Variants in ETNK2 observed in about 807,000 individuals in gnomAD.
The protein encoded by ETNK2 is ethanolamine kinase-like protein.
Under a neutral mutation model 46.2 loss-of-function variants are expected in ETNK2, and 33 were observed. That is an observed-to-expected ratio of 0.71 (90% confidence interval 0.54 to 0.96). The LOEUF is 0.96. ETNK2 is among the 40% of genes least tolerant of loss of function. The pLI, the probability that ETNK2 is intolerant of heterozygous loss-of-function variation, is 0.00. For synonymous variants in ETNK2, 194 were observed against 209.0 expected, an observed-to-expected ratio of 0.93 and a Z score of 0.62; for missense variants, 445 against 509.7, an observed-to-expected ratio of 0.87 and a Z score of 1.22.
chr1:204,141,064 A>G (rs1327316352), intron 4 of ETNK2: 2 of 561,394 alleles, frequency 3.6e-6, no homozygotes, highest in African/African-American at 1.9e-5. Context: ...GGGCTTAAGC[A>G]ATCCACATGC....
intron 2 of ETNK2, among the ~76,000 whole-genome samples, chr1:204,149,324 G>T (rs1657910673): frequency 6.6e-6 from 1 of 152,130 alleles, no homozygotes; most frequent in African/African-American, 2.4e-5. Context: ...CAGAGACAGA[G>T]GTAGAAAACC....
intron 3 of ETNK2, among the ~76,000 whole-genome samples, chr1:204,145,173 G>T (rs1657732232): frequency 6.6e-6 from 1 of 152,184 alleles, no homozygotes; most frequent in Admixed American, 6.5e-5. Context: ...CCCTAAAGAG[G>T]CTCAACGAAG....
At chr1:204,144,921 C>T (rs1571627818) in intron 3 of ETNK2, among the ~76,000 whole-genome samples, 1 of 152,206 alleles carries the variant, frequency 6.6e-6, no homozygotes, top group East Asian at 1.9e-4. Context: ...CCTTATTTTG[C>T]AGCTGTGCAT....
intron 5 of ETNK2, 137 bp from the exon 6 acceptor site, chr1:204,137,386 C>T (rs886600906): frequency 4.4e-6 from 5 of 1,127,334 alleles, no homozygotes; most frequent in Admixed American, 2.9e-5. Context: ...GGAGGCGGCC[C>T]GAGAAGGCAG....
intron 5 of ETNK2, among the ~76,000 whole-genome samples, chr1:204,139,318 T>C (rs1312970747): frequency 2.6e-5 from 4 of 151,952 alleles, no homozygotes; most frequent in African/African-American, 9.7e-5. Context: ...GACAAAGGAG[T>C]GGAGGCTGAA....
intron 2 of ETNK2, chr1:204,147,042 T>TG: frequency 1.7e-6 from 1 of 576,072 alleles, no homozygotes; most frequent in East Asian, 4.0e-5. Flanking sequence ...GTGGGGCTGT[T>TG]GGTCACAGGT....
Position 204,151,906 on chromosome 1 carries a change from G to C in ETNK2, c.-54C>G. 7.1e-7 allele frequency: 1 copy of C among 1,404,158 alleles called. No individual in the cohort carries two copies. Among genetic ancestry groups the C allele is most frequent in the East Asian group, 2.9e-5 (1 of 34,610 alleles). The allele number at this position is 1,404,158 out of a possible 1,614,324, so 87.0% of individuals were successfully genotyped here. The stretch of plus-strand genomic sequence containing the variant: ...CGGCAGACGCTAGCCCCGGCGGGGG[G>C]GTCCGGCGAGGGAGTGGGAGTGGTA... On this transcript the variant is annotated 5_prime_UTR_variant, in exon 1 of 8. Coordinates refer to ENST00000367202, the MANE Select transcript of ETNK2 (RefSeq NM_018208.4). This position sits in a 1 kb window ranked among gnomAD's most constrained non-coding sequence, Gnocchi z 8.0.
Position 204,140,042 on chromosome 1 carries a change from C to T in ETNK2, c.861G>A (p.Glu287=), listed in dbSNP as rs1182459908. The T allele has an allele frequency of 3.7e-6, 6 of 1,613,886 alleles. 1 individual carries two copies. In the East Asian group the frequency reaches 1.3e-4, roughly 36 times the overall value. ...TAGAAATGCCCCTCTCACCTGCAAA[C>T]TCATTGAAATGGTTGCCAATGTCAA... ...QAFDIGNHFN[E]FAGVNEVDYC... is the part of the protein sequence containing the mutation. Residue 287 remains glutamate, a synonymous_variant, in exon 5 of 8, where the codon GAG becomes GAA. Coordinates refer to ENST00000367202, the MANE Select transcript of ETNK2 (RefSeq NM_018208.4).
Position 204,137,209 on chromosome 1 carries a change from C to G in ETNK2, c.909G>C (p.Glu303Asp), listed in dbSNP as rs140658518. ...EVDYCLYPAR[E>D]TQLQWLHYYL... ...AGTAGTGCAGCCACTGCAGCTGGGT[C>G]TCCCGCGCCGGGTACAGGCAGTAAT... The change falls in exon 6 of 8, where the codon GAG (glutamate) becomes GAC (aspartate). Residue 303 changes from glutamate (E) to aspartate (D), a missense_variant. Glu to Asp is a conservative substitution (Grantham distance 45). Transcript: ENST00000367202. 4,289 of 1,613,956 alleles carry G rather than the reference C, an allele frequency of 2.7e-3. 16 individuals carry two copies. Among genetic ancestry groups the G allele is most frequent in the Non-Finnish European group, 3.0e-3 (3,597 of 1,179,842 alleles).
At chr1:204,140,960 C>G (rs1334451435) in intron 4 of ETNK2, 4 of 338,046 alleles carry the variant, frequency 1.2e-5, no homozygotes, top group South Asian at 8.6e-5. Context: ...GGAGCTAGGA[C>G]TATAGCATGT....
chr1:204,132,943 C>T (rs967392603), intron 7 of ETNK2, among the ~76,000 whole-genome samples: 2 of 152,128 alleles, frequency 1.3e-5, no homozygotes, highest in Non-Finnish European at 2.9e-5. Context: ...CTCCCTCTCC[C>T]CACCCCCTGG....
chr1:204,134,870 G>C (rs1446935865), intron 6 of ETNK2, among the ~76,000 whole-genome samples: 1 of 152,118 alleles, frequency 6.6e-6, no homozygotes, highest in African/African-American at 2.4e-5. Flanking sequence ...AGGAATTTTG[G>C]GGGGTTCCCA....
intron 4 of ETNK2, 116 bp downstream of exon 4, chr1:204,141,199 C>T (rs751529854): frequency 7.0e-6 from 9 of 1,281,264 alleles, no homozygotes; most frequent in Non-Finnish European, 7.9e-6. Flanking sequence ...AACTTAAGAC[C>T]TAAATCAAGG....
At chr1:204,133,767 G>A (rs1050009431) in intron 7 of ETNK2, among the ~76,000 whole-genome samples, 4 of 152,136 alleles carry the variant, frequency 2.6e-5, no homozygotes, top group Non-Finnish European at 5.9e-5. Flanking sequence ...TTCTGACCTC[G>A]TGATCCACCC....
chr1:204,139,975 G>A (rs969149966), intron 5 of ETNK2, 60 bp downstream of exon 5: 39 of 1,330,838 alleles, frequency 2.9e-5, no homozygotes, highest in Middle Eastern at 1.8e-4. Flanking sequence ...ATCTACATGC[G>A]GTCAGTCATT....
In ETNK2 at chr1:204,146,215, TTC is replaced by T. The variant is rs66680060; in HGVS notation, c.641+425_641+426del. 1.7e-3 allele frequency among the ~76,000 whole-genome samples: 253 copies of T among 152,236 alleles called. 5 individuals are homozygous for T. The highest frequency in any genetic ancestry group is 2.6e-3 in the Non-Finnish European group (179 of 67,990). ...TGATGCTAAACTCAGTCCCACCTCA[TTC>T]TGAGGGCCCTGCCCTGCTCATGGTT... is the stretch of plus-strand genomic sequence containing the variant. On this transcript the variant is annotated intron_variant, in intron 3 of 7. Coordinates refer to ENST00000367202, the MANE Select transcript of ETNK2 (RefSeq NM_018208.4).
Position 204,146,733 on chromosome 1 carries a change from T to C in ETNK2, c.550A>G (p.Thr184Ala). The C allele has an allele frequency of 1.2e-6, 2 of 1,613,970 alleles. No individual in the cohort carries two copies. Among genetic ancestry groups the C allele is most frequent in the Non-Finnish European group, 1.7e-6 (2 of 1,179,872 alleles). Residue 184 changes from threonine to alanine, a missense_variant, in exon 3 of 8, where the codon ACT (threonine) becomes GCT (alanine). Transcript: ENST00000367202. ...LIALEMAKIH[T>A]IHANGSLPKP... ...GGCAGGCTGCCGTTGGCGTGGATAG[T>C]ATGAATCTTTGCCATTTCTAAGGCG...
Position 204,151,803 on chromosome 1 carries a change from C to G in ETNK2, c.50G>C (p.Arg17Thr). Reference protein sequence around the residue: ...APQPRASFHLRRHTPCPQCSW... With the variant: ...APQPRASFHLTRHTPCPQCSW... ...GCACTGCGGGCAAGGCGTGTGCCTC[C>G]TCAGGTGAAAGGACGCGCGCGGCTG... The change falls in exon 1 of 8, where the codon AGG becomes ACG. Residue 17 changes from arginine to threonine, a missense_variant. Coordinates refer to ENST00000367202, the MANE Select transcript of ETNK2 (RefSeq NM_018208.4). This position sits in a 1 kb window ranked among gnomAD's most constrained non-coding sequence, Gnocchi z 8.0. 1.3e-6 allele frequency: 2 copies of G among 1,493,636 alleles called. No homozygotes were observed. The highest frequency in any genetic ancestry group is 1.8e-6 in the Non-Finnish European group (2 of 1,124,842). 92.5% of individuals were successfully genotyped at this position (1,493,636 alleles called of 1,614,324 possible).
At chr1:204,133,541 T>TTATTTATTTA (rs2102278405) in intron 7 of ETNK2, among the ~76,000 whole-genome samples, 2 of 151,026 alleles carry the variant, frequency 1.3e-5, no homozygotes, top group South Asian at 2.1e-4. Flanking sequence ...TTTATTTTTT[T>TTATTTATTTA]TTTTTTTTGA....
Sources: gnomAD v4.1 joint callset for allele counts (sites outside exome capture counted in the v4.1 genomes callset) on GRCh38, gnomAD v4.1.1 for gene constraint, Gnocchi (gnomAD v3.1) non-coding constraint, MANE v1.5 for transcripts, NCBI Gene and HGNC (gene_info 2026-07-23, HGNC 2026-07-21) for gene names.